The following MLLT10 variants were observed in gnomAD, a reference collection of about 807,000 sequenced individuals.
The protein encoded by MLLT10 is MLLT10 histone lysine methyltransferase DOT1L cofactor, also known as protein AF-10.
In MLLT10, 30 loss-of-function variants were observed where a neutral mutation model predicts 129.1. That is an observed-to-expected ratio of 0.23 (90% CI 0.17 to 0.32). The LOEUF (loss-of-function observed/expected upper bound fraction) is 0.32. MLLT10 is among the 10% of genes least tolerant of loss of function. The pLI, the probability that MLLT10 is intolerant of heterozygous loss-of-function variation, is 1.00. For missense variants in MLLT10, 1,119 were observed against 1,268.3 expected (o/e 0.88, Z 1.79); for synonymous variants, 490 against 446.4 (o/e 1.10, Z -1.23).
chr10:21,542,938 A>T (rs1170857677), intron 3 of MLLT10, among the ~76,000 whole-genome samples: 1 of 151,508 alleles, frequency 6.6e-6, no homozygotes, highest in Non-Finnish European at 1.5e-5. Flanking sequence ...ATTTGGTGGG[A>T]TGTGGGTGAC....
chr10:21,608,991 C>T (rs187406507), intron 5 of MLLT10, among the ~76,000 whole-genome samples: 72 of 152,232 alleles, frequency 4.7e-4, no homozygotes, highest in African/African-American at 1.6e-3. Context: ...TTTCTTCTCC[C>T]TGTGTGTCTT....
chr10:21,640,686 AT>A (rs1259165692), intron 8 of MLLT10, among the ~76,000 whole-genome samples: 1 of 152,164 alleles, frequency 6.6e-6, no homozygotes, highest in African/African-American at 2.4e-5. Flanking sequence ...TTCTGAGGCT[AT>A]TCACTATATG....
chr10:21,612,268 C>A, intron 5 of MLLT10, 80 bp from the exon 6 acceptor site: 1 of 815,330 alleles, frequency 1.2e-6, no homozygotes, highest in Non-Finnish European at 1.9e-6. Context: ...ACCTGATCTT[C>A]ATTTCTGAAG....
intron 8 of MLLT10, among the ~76,000 whole-genome samples, chr10:21,645,810 C>T (rs1361905952): frequency 6.6e-6 from 1 of 152,186 alleles, no homozygotes; most frequent in Non-Finnish European, 1.5e-5. Flanking sequence ...CAAGTATTAT[C>T]TTCACTGCTC....
chr10:21,571,713 T>G (rs2040223991), intron 3 of MLLT10, among the ~76,000 whole-genome samples: 1 of 152,250 alleles, frequency 6.6e-6, no homozygotes, highest in South Asian at 2.1e-4. Context: ...TCAGCACATT[T>G]TAGCTTGTGT....
intron 3 of MLLT10, among the ~76,000 whole-genome samples, chr10:21,543,850 A>C (rs1392879708): frequency 6.6e-6 from 1 of 152,194 alleles, no homozygotes; most frequent in East Asian, 1.9e-4. Flanking sequence ...ATTGTATTAT[A>C]AGGACACAGG....
intron 13 of MLLT10, among the ~76,000 whole-genome samples, chr10:21,713,050 T>G (rs1170791634): frequency 6.6e-6 from 1 of 152,180 alleles, no homozygotes; most frequent in African/African-American, 2.4e-5. Flanking sequence ...TCAAAGTGTT[T>G]TCATCAAGTC....
chr10:21,672,168 AGTGT>A (rs55769872), intron 10 of MLLT10, among the ~76,000 whole-genome samples: 3,367 of 134,334 alleles, frequency 0.025, 56 homozygotes, highest in Non-Finnish European at 0.037. Context: ...CCAGGTTTTC[AGTGT>A]GTGTGTGTGT....
At chr10:21,718,395 T>C (rs971633998) in intron 14 of MLLT10, among the ~76,000 whole-genome samples, 2 of 152,228 alleles carry the variant, frequency 1.3e-5, no homozygotes, top group Non-Finnish European at 2.9e-5. Context: ...TCATTTTGCC[T>C]TTCAAATCCT....
intron 3 of MLLT10, among the ~76,000 whole-genome samples, chr10:21,552,388 C>CCTTTT (rs1270574421): frequency 8.9e-6 from 1 of 112,094 alleles, no homozygotes; most frequent in African/African-American, 3.5e-5. Flanking sequence ...CTTCTTATTG[C>CCTTTT]TTTTTTTTTT....
chr10:21,552,374 A>G (rs2037200142), intron 3 of MLLT10, among the ~76,000 whole-genome samples: 2 of 129,696 alleles, frequency 1.5e-5, no homozygotes, highest in Non-Finnish European at 3.3e-5. Flanking sequence ...AAATCTTTGT[A>G]TATCTTCTTA....
intron 3 of MLLT10, among the ~76,000 whole-genome samples, chr10:21,543,401 G>A (rs563559361): frequency 7.9e-5 from 12 of 152,238 alleles, no homozygotes; most frequent in East Asian, 1.9e-4. Context: ...GTTTACAGGC[G>A]TGAGCCATGT....
At chr10:21,689,186 T>G (rs2053581330) in intron 13 of MLLT10, among the ~76,000 whole-genome samples, 1 of 152,116 alleles carries the variant, frequency 6.6e-6, no homozygotes, top group South Asian at 2.1e-4. Flanking sequence ...TGTCTATATG[T>G]AAGGTCCTGG....
chr10:21,708,640 A>C, intron 13 of MLLT10: 1 of 985,236 alleles, frequency 1.0e-6, no homozygotes, highest in Non-Finnish European at 1.2e-6. Flanking sequence ...TTGCACATTT[A>C]GCTGCGTAAT....
intron 9 of MLLT10, among the ~76,000 whole-genome samples, chr10:21,656,979 G>C (rs1246347547): frequency 1.3e-5 from 2 of 152,146 alleles, no homozygotes; most frequent in Admixed American, 6.6e-5. Flanking sequence ...AACAAGTAGA[G>C]ACAGCTTATG....
chr10:21,683,294 G>A (rs1248562558), intron 13 of MLLT10, among the ~76,000 whole-genome samples: 1 of 152,092 alleles, frequency 6.6e-6, no homozygotes, highest in South Asian at 2.1e-4. Flanking sequence ...TGCAACCTGT[G>A]CCTGCGGAAG....
At chr10:21,604,410 T>C (rs1351107366) in intron 5 of MLLT10, among the ~76,000 whole-genome samples, 1 of 152,020 alleles carries the variant, frequency 6.6e-6, no homozygotes, top group Non-Finnish European at 1.5e-5. Flanking sequence ...GCTAACACAG[T>C]GAAACCCTGT....
At chr10:21,550,272 G>C (rs57427469) in intron 3 of MLLT10, among the ~76,000 whole-genome samples, 4,240 of 152,234 alleles carry the variant, frequency 0.028, 200 homozygotes, top group African/African-American at 0.096. Context: ...TCTAGAGTGA[G>C]TCATCTACTC....
intron 3 of MLLT10, 182 bp downstream of exon 3, chr10:21,539,094 G>A: frequency 2.1e-6 from 1 of 487,090 alleles, no homozygotes; most frequent in Non-Finnish European, 3.6e-6. Flanking sequence ...AAAAACAAAT[G>A]GAATCAAGTG....
Sources: allele counts gnomAD v4.1 joint callset (sites outside exome capture counted in the v4.1 genomes callset), GRCh38; gene constraint gnomAD v4.1.1; transcripts MANE v1.5; gene names NCBI Gene and HGNC (gene_info 2026-07-23, HGNC 2026-07-21).